SDK1: variants seen among roughly 807,000 people sequenced by gnomAD.
The protein encoded by SDK1 is sidekick cell adhesion molecule 1.
A neutral mutation model predicts 245.5 loss-of-function variants in SDK1; 157 were observed. The observed-to-expected ratio is 0.64, with a 90% confidence interval of 0.56 to 0.73. The LOEUF is 0.73. Among genes scored for constraint, SDK1 ranks in the 30% least tolerant of loss-of-function variants. The pLI, the probability that SDK1 is intolerant of heterozygous loss-of-function variation, is 0.00. For missense variants in SDK1, 3,583 were observed against 3,002.3 expected (o/e 1.19, Z -4.52); for synonymous variants, 1,647 against 1,278.5 (o/e 1.29, Z -6.15).
intron 1 of SDK1, among the ~76,000 whole-genome samples, chr7:3,533,582 T>TA (rs1783420730): frequency 6.6e-6 from 1 of 152,240 alleles, no homozygotes; most frequent in South Asian, 2.1e-4. Flanking sequence ...AAAATGGCAG[T>TA]ACTGGGTACT....
chr7:3,518,657 C>T (rs756814396), intron 1 of SDK1, among the ~76,000 whole-genome samples: 7 of 151,468 alleles, frequency 4.6e-5, no homozygotes, highest in Non-Finnish European at 8.8e-5. Context: ...ATAGGATGGC[C>T]ATTATTAAAA....
chr7:3,687,872 A>C (rs940191427), intron 4 of SDK1, among the ~76,000 whole-genome samples: 2 of 152,142 alleles, frequency 1.3e-5, no homozygotes, highest in East Asian at 3.8e-4. Flanking sequence ...CATTGCAGGA[A>C]CCTGGATAAA....
chr7:4,249,476 C>T (rs1392282047), intron 44 of SDK1, among the ~76,000 whole-genome samples: 1 of 152,200 alleles, frequency 6.6e-6, no homozygotes, highest in African/African-American at 2.4e-5. Flanking sequence ...GGGTGACAGG[C>T]TGCTTCTGGA....
rs190903482 is a variant in SDK1 at position 3,798,280 on chromosome 7, C to T, written c.714-23170C>T. Among the ~76,000 whole-genome samples, 846 of 142,808 alleles carry T rather than the reference C, an allele frequency of 5.9e-3. 12 individuals carry two copies. The highest frequency in any genetic ancestry group is 0.02 in the African/African-American group (740 of 37,820). The allele number at this position is 142,808 out of a possible 152,430, so 93.7% of individuals were successfully genotyped here. On this transcript the variant is annotated intron_variant, in intron 4 of 44. Coordinates refer to ENST00000404826, the MANE Select transcript of SDK1 (RefSeq NM_152744.4). ...TTGCCCAGGCTGGAGTGCAGTGGCG[C>T]GATCTCAGCTCACTGCAAGCTCTAC...
At chr7:3,425,575 A>G (rs964143042) in intron 1 of SDK1, among the ~76,000 whole-genome samples, 2 of 152,250 alleles carry the variant, frequency 1.3e-5, no homozygotes, top group African/African-American at 4.8e-5. Context: ...CAGAATGGAA[A>G]ACAAATTTAT....
Position 4,145,871 on chromosome 7 carries a change from TG to T in SDK1, c.4384del (p.Glu1462SerfsTer29). The part of the protein sequence containing the change: ...FRLSAKTRQG[W>X]GEPLEATVIT... ...GCTGTCCGCCAAGACGAGGCAGGGCTGGGGGGAGCCACTGGAGGCCACCGTC... is the reference window on the plus strand; with the variant it reads ...GCTGTCCGCCAAGACGAGGCAGGGCTGGGGGAGCCACTGGAGGCCACCGTC... On this transcript the variant is annotated frameshift_variant, in exon 29 of 45. Transcript: ENST00000404826. LOFTEE classifies it high-confidence loss of function. 1 of 1,612,868 alleles carries T rather than the reference TG, an allele frequency of 6.2e-7. No individual in the cohort carries two copies. Among genetic ancestry groups the T allele is most frequent in the South Asian group, 1.1e-5 (1 of 91,016 alleles).
At chr7:4,100,110 A>C (rs1031957600) in intron 22 of SDK1, among the ~76,000 whole-genome samples, 6 of 152,210 alleles carry the variant, frequency 3.9e-5, no homozygotes, top group Non-Finnish European at 8.8e-5. Context: ...AGTCCTCACC[A>C]GCGTTTCAGG....
At chr7:3,958,202 A>G (rs1013902930) in intron 7 of SDK1, 14 of 319,446 alleles carry the variant, frequency 4.4e-5, no homozygotes, top group Non-Finnish European at 7.9e-5. Context: ...TTATCATGAT[A>G]ATGAAATCAC....
At chr7:3,954,605 A>G (rs557890565) in intron 7 of SDK1, among the ~76,000 whole-genome samples, 6 of 21,414 alleles carry the variant, frequency 2.8e-4, no homozygotes, top group South Asian at 1.8e-3. Flanking sequence ...CTCCGTTCCC[A>G]CCTCCCCTCT....
At chr7:4,108,919 G>A (rs1025097142) in intron 22 of SDK1, among the ~76,000 whole-genome samples, 24 of 152,314 alleles carry the variant, frequency 1.6e-4, no homozygotes, top group Middle Eastern at 6.8e-3. Context: ...AACTGGAATC[G>A]TGCGGTGCAT....
At chr7:4,153,773 C>G (rs1780544807) in intron 30 of SDK1, among the ~76,000 whole-genome samples, 1 of 152,124 alleles carries the variant, frequency 6.6e-6, no homozygotes, top group Non-Finnish European at 1.5e-5. Flanking sequence ...AACTCCTGGG[C>G]TCAAGATACC....
At chr7:3,403,904 T>G (rs1304893207) in intron 1 of SDK1, among the ~76,000 whole-genome samples, 2 of 140,080 alleles carry the variant, frequency 1.4e-5, no homozygotes, top group Non-Finnish European at 3.1e-5. Context: ...TATATATTTA[T>G]TTATTCCATA....
intron 1 of SDK1, among the ~76,000 whole-genome samples, chr7:3,359,075 C>T (rs1780884480): frequency 6.6e-6 from 1 of 152,136 alleles, no homozygotes; most frequent in Non-Finnish European, 1.5e-5. Context: ...TATGGCATCA[C>T]CTTGGAGACA....
intron 1 of SDK1, among the ~76,000 whole-genome samples, chr7:3,520,934 C>G (rs1343838680): frequency 1.3e-5 from 2 of 152,166 alleles, no homozygotes; most frequent in Non-Finnish European, 2.9e-5. Flanking sequence ...TTTTGTAGGT[C>G]ATAAGTCTAG....
chr7:3,843,096 T>A (rs1260482146), intron 5 of SDK1, among the ~76,000 whole-genome samples: 1 of 152,114 alleles, frequency 6.6e-6, no homozygotes, highest in Non-Finnish European at 1.5e-5. Context: ...TGTCAGCGGC[T>A]CAGGGCAGCA....
At chr7:3,903,408 A>G (rs1007706847) in intron 5 of SDK1, among the ~76,000 whole-genome samples, 3 of 152,016 alleles carry the variant, frequency 2.0e-5, no homozygotes, top group Non-Finnish European at 2.9e-5. Context: ...GGCCTCCCAA[A>G]GTGCTTGGAT....
At chr7:3,969,457 T>G in intron 11 of SDK1, 33 bp downstream of exon 11, 1 of 1,485,788 alleles carries the variant, frequency 6.7e-7, no homozygotes, top group Non-Finnish European at 9.0e-7. Flanking sequence ...CGGCCTTCTG[T>G]TAGCCACGGT....
At chr7:3,614,260 A>G (rs1021562393) in intron 1 of SDK1, among the ~76,000 whole-genome samples, 2 of 152,236 alleles carry the variant, frequency 1.3e-5, no homozygotes, top group Middle Eastern at 3.2e-3. Flanking sequence ...TTTTAAGAAT[A>G]GAACACTTTC....
At chr7:4,175,949 A>G in intron 34 of SDK1, 115 bp downstream of exon 34, 1 of 859,766 alleles carries the variant, frequency 1.2e-6, no homozygotes, top group Non-Finnish European at 1.9e-6. Flanking sequence ...CCAGTTCTGG[A>G]ATCGCCTCTC....
Sources: gnomAD v4.1 joint callset for allele counts (sites outside exome capture counted in the v4.1 genomes callset) on GRCh38, gnomAD v4.1.1 for gene constraint, MANE v1.5 for transcripts, NCBI Gene and HGNC (gene_info 2026-07-23, HGNC 2026-07-21) for gene names.